The following POLR3A variants were observed in gnomAD, a reference collection of about 807,000 sequenced individuals.
POLR3A encodes DNA-directed RNA polymerase III subunit RPC1.
In POLR3A, 112 loss-of-function variants were observed where a neutral mutation model predicts 152.8. That is an observed-to-expected ratio of 0.73 (90% confidence interval 0.63 to 0.86). The LOEUF (loss-of-function observed/expected upper bound fraction) is 0.86. POLR3A is among the 40% of genes least tolerant of loss of function. The pLI is 0.00. For synonymous variants in POLR3A, 615 were observed against 652.1 expected, an observed-to-expected ratio of 0.94 and a Z score of 0.87; for missense variants, 1,385 against 1,743.1, an observed-to-expected ratio of 0.79 and a Z score of 3.66.
chr10:78,015,683 G>A (rs969876512), intron 10 of POLR3A, among the ~76,000 whole-genome samples: 4 of 152,114 alleles, frequency 2.6e-5, no homozygotes, highest in Admixed American at 6.6e-5. Context: ...GTCTCATTAC[G>A]TTGTCTAGGC....
intron 1 of POLR3A, among the ~76,000 whole-genome samples, chr10:78,028,384 C>G (rs1339664279): frequency 2.0e-5 from 3 of 152,122 alleles, no homozygotes; most frequent in African/African-American, 7.2e-5. Context: ...CTTGTCGTAC[C>G]CAGTGTTGAC....
intron 10 of POLR3A, among the ~76,000 whole-genome samples, chr10:78,015,511 A>T (rs1355402974): frequency 1.3e-5 from 2 of 151,926 alleles, no homozygotes; most frequent in Admixed American, 6.6e-5. Context: ...GTATTTTAGT[A>T]AAGATGGGGT....
chr10:78,000,928 T>A (rs7474957), intron 18 of POLR3A, 48 bp downstream of exon 18: 29 of 955,688 alleles, frequency 3.0e-5, no homozygotes, highest in Non-Finnish European at 4.2e-5. Flanking sequence ...TGGAGGAAAG[T>A]GTAGATTAAG....
intron 24 of POLR3A, among the ~76,000 whole-genome samples, chr10:77,984,736 AT>A (rs1440979926): frequency 6.6e-6 from 1 of 152,242 alleles, no homozygotes; most frequent in African/African-American, 2.4e-5. Flanking sequence ...ATTGTAATAC[AT>A]TTCTATTTCT....
In POLR3A at chr10:78,017,704, G is replaced by A. The variant is rs1274195169; in HGVS notation, c.1302C>T (p.Tyr434=). ...RHTQMKRFLK[Y]GNREKMAQEL... is the part of the protein sequence containing the mutation. Reference sequence around the variant, plus strand: ...CTTGAGCCATCTTTTCTCGATTTCCGTATTTCAAAAACCTGAATGTGCAAC... The same window carrying A: ...CTTGAGCCATCTTTTCTCGATTTCCATATTTCAAAAACCTGAATGTGCAAC... The change falls in exon 10 of 31, where the codon TAC becomes TAT. Residue 434 remains tyrosine (Y), a synonymous_variant. Coordinates refer to ENST00000372371, the MANE Select transcript of POLR3A (RefSeq NM_007055.4). The A allele has an allele frequency of 1.8e-5, 29 of 1,614,048 alleles. No homozygotes were observed. In the Middle Eastern group the frequency reaches 4.9e-4, roughly 28 times the overall value.
At chr10:78,000,170 C>T (rs1280384301) in intron 18 of POLR3A, 52 bp from the exon 19 acceptor site, 6 of 1,563,358 alleles carry the variant, frequency 3.8e-6, no homozygotes, top group East Asian at 2.3e-5. Context: ...TCAAGGCCCA[C>T]GATTCTGAAA....
chr10:78,006,919 G>C (rs1847417362), intron 15 of POLR3A, among the ~76,000 whole-genome samples: 2 of 152,136 alleles, frequency 1.3e-5, no homozygotes, highest in African/African-American at 4.8e-5. Context: ...AGGAGTTCAA[G>C]ACCAACCTGG....
In POLR3A at chr10:78,010,468, T is replaced by C; in HGVS notation, c.1642+3A>G. 4 of 1,609,492 alleles carry C rather than the reference T, an allele frequency of 2.5e-6. No homozygotes were observed. The highest frequency in any genetic ancestry group is 3.4e-6 in the Non-Finnish European group (4 of 1,175,700). On this transcript the variant is annotated splice_donor_region_variant and intron_variant, in intron 12 of 30. Transcript: ENST00000372371. The stretch of plus-strand genomic sequence containing the variant: ...TCCTTTCAAGTGAACTTCACCAACC[T>C]ACCTGTTAGAAAATCCTGAATAGCA...
intron 29 of POLR3A, 123 bp from the exon 30 acceptor site, chr10:77,980,396 A>G (rs1223854665): frequency 2.0e-5 from 18 of 879,548 alleles, no homozygotes; most frequent in African/African-American, 3.3e-5. Flanking sequence ...CAGGTGTGAA[A>G]GGCCCTGAGG....
In POLR3A at chr10:78,025,125, G is replaced by T; in HGVS notation, c.336C>A (p.Cys112Ter). The change falls in exon 4 of 31, where the codon TGC becomes TGA. Residue 112 changes from cysteine to a stop codon, truncating the protein, a stop_gained. Coordinates refer to ENST00000372371, the MANE Select transcript of POLR3A (RefSeq NM_007055.4). LOFTEE classifies it high-confidence loss of function. ...IGILQMICKT[C>*]CHIMLSQEEK... The stretch of plus-strand genomic sequence containing the variant: ...CCTCTTGGGACAGCATGATGTGGCA[G>T]CAGGTTTTGCAGATCATCTTTTTCA... 1 of 1,614,188 alleles carries T rather than the reference G, an allele frequency of 6.2e-7. No individual in the cohort carries two copies. Among genetic ancestry groups the T allele is most frequent in the Non-Finnish European group, 8.5e-7 (1 of 1,180,014 alleles).
intron 14 of POLR3A, 152 bp from the exon 15 acceptor site, chr10:78,008,018 G>A: frequency 7.2e-6 from 3 of 414,324 alleles, no homozygotes; most frequent in South Asian, 2.3e-5. Context: ...TTGGGGGGAG[G>A]GAGGGGGGGT....
intron 19 of POLR3A, among the ~76,000 whole-genome samples, chr10:77,993,630 C>T (rs1439219758): frequency 1.3e-5 from 2 of 152,216 alleles, no homozygotes; most frequent in African/African-American, 4.8e-5. Context: ...TAAACCGCAT[C>T]ACCCACAAAG....
rs139566401 is a variant in POLR3A, at chr10:78,012,135, C to T, written c.1572+1515G>A. The stretch of plus-strand genomic sequence containing the variant: ...ATCCCAGCATCTGGGGAGGCCGAAT[C>T]GGGCGGATCACCTGAGGTCGGGAGT... On this transcript the variant is annotated intron_variant, in intron 11 of 30. Transcript: ENST00000372371. Among the ~76,000 whole-genome samples the T allele has an allele frequency of 8.7e-4, 132 of 152,256 alleles. 1 individual carries two copies. In the East Asian group the frequency reaches 0.015, roughly 18 times the overall value.
chr10:77,983,865 C>A (rs141348774), intron 26 of POLR3A, 55 bp downstream of exon 26: 9 of 1,073,050 alleles, frequency 8.4e-6, no homozygotes, highest in Non-Finnish European at 1.3e-5. Context: ...TTTATCAGTA[C>A]CTATCTTGGG....
At position 77,976,302 on chromosome 10, in the gene POLR3A, G is replaced by C. The variant is rs1364863629; in HGVS notation, c.*1176C>G. ...GGGCCACCATGCCTGGCTAATTTTTGTATTCTCTGTAGAGACGGGGTTTCG... is the reference window on the plus strand; with the variant it reads ...GGGCCACCATGCCTGGCTAATTTTTCTATTCTCTGTAGAGACGGGGTTTCG... On this transcript the variant is annotated 3_prime_UTR_variant, in exon 31 of 31. Transcript: ENST00000372371. 1 of 151,638 alleles carries C rather than the reference G, an allele frequency of 6.6e-6. No homozygotes were observed. The highest frequency in any genetic ancestry group is 2.4e-5 in the African/African-American group (1 of 41,262). 9.4% of individuals were successfully genotyped at this position (151,638 alleles called of 1,614,324 possible).
Position 77,977,406 on chromosome 10 carries a change from C to T in POLR3A, c.*72G>A. On this transcript the variant is annotated 3_prime_UTR_variant, in exon 31 of 31. Coordinates refer to ENST00000372371, the MANE Select transcript of POLR3A (RefSeq NM_007055.4). ...CTCAGGACCCCCGTCCCAGGGAGCA[C>T]AAAACTCTTTATACATCAGCTGGAG... 2 of 1,558,768 alleles carry T rather than the reference C, an allele frequency of 1.3e-6. No individual in the cohort carries two copies. The highest frequency in any genetic ancestry group is 1.8e-6 in the Non-Finnish European group (2 of 1,130,946).
chr10:77,989,472 G>T (rs554805622), intron 21 of POLR3A, among the ~76,000 whole-genome samples: 2 of 152,212 alleles, frequency 1.3e-5, no homozygotes, highest in African/African-American at 2.4e-5. Context: ...GCAAGGACAT[G>T]TTTAGTCATC....
chr10:77,985,070 C>T, intron 24 of POLR3A, 100 bp downstream of exon 24: 2 of 1,058,632 alleles, frequency 1.9e-6, no homozygotes, highest in Non-Finnish European at 2.9e-6. Flanking sequence ...AAGACACAGT[C>T]CTATGAGGAT....
chr10:77,981,425 T>C lies in POLR3A; in HGVS notation c.3891+3A>G. On this transcript the variant is annotated splice_donor_region_variant and intron_variant, in intron 29 of 30. Transcript: ENST00000372371. ...GCAGCCCGGGGGCCTCCTGCCCACA[T>C]ACCTTGTAGGTCATGAGGTCGGAGA... The C allele has an allele frequency of 6.2e-7, 1 of 1,614,038 alleles. No homozygotes were observed. The highest frequency in any genetic ancestry group is 1.1e-5 in the South Asian group (1 of 91,084).
Sources: allele counts gnomAD v4.1 joint callset (sites outside exome capture counted in the v4.1 genomes callset), GRCh38; gene constraint gnomAD v4.1.1; transcripts MANE v1.5; gene names NCBI Gene and HGNC (gene_info 2026-07-23, HGNC 2026-07-21).